The following CAPN1 variants were observed in gnomAD, a reference collection of about 807,000 sequenced individuals.
CAPN1 encodes calpain-1 catalytic subunit.
Under a neutral mutation model 105.2 loss-of-function variants are expected in CAPN1, and 77 were observed. The observed-to-expected ratio is 0.73, with a 90% CI of 0.61 to 0.88. The LOEUF (loss-of-function observed/expected upper bound fraction) is 0.88. CAPN1 is among the 40% of genes least tolerant of loss of function. CAPN1 has a pLI of 0.00. For synonymous variants in CAPN1, 355 were observed against 388.8 expected, an observed-to-expected ratio of 0.91 and a Z score of 1.02; for missense variants, 833 against 976.6, an observed-to-expected ratio of 0.85 and a Z score of 1.96.
intron 10 of CAPN1, among the ~76,000 whole-genome samples, chr11:65,200,106 A>G (rs571208792): frequency 7.9e-5 from 12 of 152,194 alleles, no homozygotes; most frequent in Admixed American, 2.6e-4. Context: ...CTGGAGTGCA[A>G]TGGCATAACC....
Position 65,206,685 on chromosome 11 carries a change from G to C in CAPN1, c.1565+11G>C. On this transcript the variant is annotated intron_variant, in intron 13 of 21. Transcript: ENST00000279247. ...GAGTGCTGGGACTGTGTGAGTCATG[G>C]ACTGGCCCCTGCCACTCTCCCCTCT... 6.2e-7 allele frequency: 1 copy of C among 1,612,016 alleles called. No homozygotes were observed. The highest frequency in any genetic ancestry group is 8.5e-7 in the Non-Finnish European group (1 of 1,179,028).
chr11:65,188,440 C>T lies in CAPN1; in HGVS notation c.956C>T (p.Pro319Leu). Residue 319 changes from proline (P) to leucine (L), a missense_variant, in exon 9 of 22, where the codon CCA becomes CTA. Coordinates refer to ENST00000279247, the MANE Select transcript of CAPN1 (RefSeq NM_005186.4). This position sits in a 1 kb window ranked among gnomAD's most constrained non-coding sequence, Gnocchi z 5.5. ...TCCTCAGAGTGGAACAACGTGGACC[C>T]ATATGAACGGGACCAGCTCCGGGTC... ...DSSSEWNNVD[P>L]YERDQLRVKM... 1 of 1,612,878 alleles carries T rather than the reference C, an allele frequency of 6.2e-7. No homozygotes were observed. Among genetic ancestry groups the T allele is most frequent in the South Asian group, 1.1e-5 (1 of 90,800 alleles).
chr11:65,188,346 C>A lies in CAPN1; in HGVS notation c.930-68C>A. ...CCGGGGGAAGACAGGCCAGGGTAGA[C>A]AGGCCCCAGGGACAGAGGCCAGGCA... On this transcript the variant is annotated intron_variant, in intron 8 of 21. Transcript: ENST00000279247. The surrounding 1 kb of genome is among the most constrained non-coding windows in gnomAD (Gnocchi z 5.5). 7.1e-7 allele frequency: 1 copy of A among 1,413,558 alleles called. No homozygotes were observed. Among genetic ancestry groups the A allele is most frequent in the Non-Finnish European group, 9.8e-7 (1 of 1,021,170 alleles). 87.6% of individuals were successfully genotyped at this position (1,413,558 alleles called of 1,614,324 possible).
chr11:65,189,128 A>G (rs753762707), intron 10 of CAPN1, among the ~76,000 whole-genome samples: 1 of 152,092 alleles, frequency 6.6e-6, no homozygotes, highest in African/African-American at 2.4e-5. Context: ...GATTCAAGCA[A>G]TTCTCCTGCC....
chr11:65,182,382 A>C (rs1447837632), intron 1 of CAPN1: 1 of 309,914 alleles, frequency 3.2e-6, no homozygotes, highest in Non-Finnish European at 6.0e-6. Context: ...CCACCTGCCC[A>C]GTTCCTTGTG....
intron 10 of CAPN1, among the ~76,000 whole-genome samples, chr11:65,202,313 A>G (rs1250636083): frequency 6.6e-6 from 1 of 152,188 alleles, no homozygotes; most frequent in African/African-American, 2.4e-5. Context: ...ATTTTTTAAA[A>G]ATATCTTTAT....
chr11:65,198,790 G>A (rs1948827029), intron 10 of CAPN1, among the ~76,000 whole-genome samples: 1 of 152,128 alleles, frequency 6.6e-6, no homozygotes, highest in Admixed American at 6.5e-5. Context: ...GTCTCAAGTA[G>A]CTAGGACTAC....
Position 65,188,263 on chromosome 11 carries a change from A to G in CAPN1, c.930-151A>G, listed in dbSNP as rs959329469. On this transcript the variant is annotated intron_variant, in intron 8 of 21. Transcript: ENST00000279247. The surrounding 1 kb of genome is among the most constrained non-coding windows in gnomAD (Gnocchi z 5.5). ...AGGGCATCAGACTGGCCCTGATGAG[A>G]CCACCCCCTAGAAGCGGAACCTTGG... 100 of 736,564 alleles carry G rather than the reference A, an allele frequency of 1.4e-4. No individual in the cohort carries two copies. The highest frequency in any genetic ancestry group is 2.1e-4 in the Non-Finnish European group (92 of 448,426). 45.6% of individuals were successfully genotyped at this position (736,564 alleles called of 1,614,324 possible).
chr11:65,198,285 C>T (rs1261911299), intron 10 of CAPN1, among the ~76,000 whole-genome samples: 7 of 152,014 alleles, frequency 4.6e-5, no homozygotes, highest in Non-Finnish European at 8.8e-5. Context: ...AGTGGTACTA[C>T]AGGTGCACAC....
intron 10 of CAPN1, among the ~76,000 whole-genome samples, chr11:65,197,862 T>C (rs1174770828): frequency 8.7e-6 from 1 of 115,340 alleles, no homozygotes; most frequent in African/African-American, 3.2e-5. Context: ...CACTCCAGCC[T>C]GGGTGAAAAG....
rs1949025455 is a variant in CAPN1, at chr11:65,210,256, C to T, written c.1943-80C>T. ...TAGCACCCTGCCTAGCCCCAGCCCC[C>T]TCCTGGGGACCCAACCCCTCCCCCA... On this transcript the variant is annotated intron_variant, in intron 19 of 21. Coordinates refer to ENST00000279247, the MANE Select transcript of CAPN1 (RefSeq NM_005186.4). The surrounding 1 kb of genome is among the most constrained non-coding windows in gnomAD (Gnocchi z 4.3). 2 of 1,201,686 alleles carry T rather than the reference C, an allele frequency of 1.7e-6. No homozygotes were observed. The highest frequency in any genetic ancestry group is 1.9e-5 in the Admixed American group (1 of 52,366). 74.4% of individuals were successfully genotyped at this position (1,201,686 alleles called of 1,614,324 possible).
At chr11:65,187,854 T>G (rs1948658071) in intron 7 of CAPN1, 101 bp from the exon 8 acceptor site, 1 of 784,354 alleles carries the variant, frequency 1.3e-6, no homozygotes, top group Non-Finnish European at 2.2e-6. Context: ...ATCGCACCAC[T>G]GCACTCCAGC....
chr11:65,188,647 G>T lies in CAPN1; in HGVS notation c.1066G>T (p.Asp356Tyr). Reference protein sequence around the residue: ...TRLEICNLTPDALKSRTIRKW... With the variant: ...TRLEICNLTPYALKSRTIRKW... ...CCTGGAGATCTGCAACCTCACACCC[G>T]ACGCCCTCAAGAGCCGGACCATCCG... Residue 356 changes from aspartate to tyrosine, a missense_variant, in exon 10 of 22, where the codon GAC becomes TAC. Physicochemically the swap from Asp to Tyr is radical, Grantham distance 160 (BLOSUM62 -3). Transcript: ENST00000279247. This position sits in a 1 kb window ranked among gnomAD's most constrained non-coding sequence, Gnocchi z 5.5. 2 of 1,613,866 alleles carry T rather than the reference G, an allele frequency of 1.2e-6. No individual in the cohort carries two copies. Among genetic ancestry groups the T allele is most frequent in the South Asian group, 2.2e-5 (2 of 91,070 alleles).
intron 10 of CAPN1, among the ~76,000 whole-genome samples, chr11:65,191,280 G>T (rs7122185): frequency 0.3 from 45,784 of 151,878 alleles, 7,976 homozygotes; most frequent in Non-Finnish European, 0.4. Context: ...CTATAATTTT[G>T]TTTCTATTAT....
intron 10 of CAPN1, among the ~76,000 whole-genome samples, chr11:65,190,309 A>G (rs902820653): frequency 1.1e-4 from 16 of 152,032 alleles, no homozygotes; most frequent in African/African-American, 3.9e-4. Context: ...TGCTGCTAAA[A>G]CCACCCTCTC....
chr11:65,199,881 G>A (rs546335766), intron 10 of CAPN1, among the ~76,000 whole-genome samples: 3 of 152,058 alleles, frequency 2.0e-5, no homozygotes, highest in Non-Finnish European at 4.4e-5. Context: ...TGAAGTCTTA[G>A]TGGTCAGTTT....
In CAPN1 at chr11:65,206,622, A is replaced by T; in HGVS notation, c.1513A>T (p.Lys505Ter). ...VVVPSTFEPNKEGDFVLRFFS... is the reference protein window; with the variant it reads ...VVVPSTFEPN ...GGTGCCCTCCACCTTCGAGCCCAAC[A>T]AGGAGGGCGACTTCGTGCTGCGCTT... The change falls in exon 13 of 22, where the codon AAG becomes TAG. Residue 505 changes from lysine to a stop codon, truncating the protein, a stop_gained. Coordinates refer to ENST00000279247, the MANE Select transcript of CAPN1 (RefSeq NM_005186.4). LOFTEE classifies it high-confidence loss of function. 1 of 1,613,308 alleles carries T rather than the reference A, an allele frequency of 6.2e-7. No individual in the cohort carries two copies.
chr11:65,184,669 T>A (rs1948606394), intron 4 of CAPN1, among the ~76,000 whole-genome samples: 1 of 152,140 alleles, frequency 6.6e-6, no homozygotes. Flanking sequence ...GGATGCCACA[T>A]TTTCACTGCT....
chr11:65,183,377 G>A, intron 3 of CAPN1, 97 bp from the exon 4 acceptor site: 1 of 1,144,560 alleles, frequency 8.7e-7, no homozygotes. Context: ...GAGTTAAGTG[G>A]CACCCTGGCC....
Sources: gnomAD v4.1 joint callset for allele counts (sites outside exome capture counted in the v4.1 genomes callset) on GRCh38, gnomAD v4.1.1 for gene constraint, Gnocchi (gnomAD v3.1) non-coding constraint, MANE v1.5 for transcripts, NCBI Gene and HGNC (gene_info 2026-07-23, HGNC 2026-07-21) for gene names.